The following HELZ variants were observed in gnomAD, a reference collection of about 807,000 sequenced individuals.
The protein encoded by HELZ is helicase with zinc finger.
Under a neutral mutation model 218.2 loss-of-function variants are expected in HELZ, and 23 were observed. That is an observed-to-expected ratio of 0.11 (90% CI 0.08 to 0.15). HELZ has a LOEUF of 0.15. Ranked by LOEUF, HELZ falls within the 10% of genes least tolerant of loss-of-function variation. HELZ has a pLI of 1.00. For synonymous variants in HELZ, 814 were observed against 829.4 expected (o/e 0.98, Z 0.32); for missense variants, 1,813 against 2,353.7 (o/e 0.77, Z 4.75).
intron 17 of HELZ, among the ~76,000 whole-genome samples, chr17:67,158,534 G>A (rs1301245236): frequency 1.3e-5 from 2 of 152,142 alleles, no homozygotes; most frequent in African/African-American, 4.8e-5. Flanking sequence ...GAAAAACTAT[G>A]GCAAAAATGC....
intron 3 of HELZ, among the ~76,000 whole-genome samples, chr17:67,219,970 C>T (rs1020740561): frequency 1.3e-5 from 2 of 152,194 alleles, no homozygotes; most frequent in African/African-American, 4.8e-5. Flanking sequence ...CAATACTGCT[C>T]CAAAGAGTCA....
intron 31 of HELZ, among the ~76,000 whole-genome samples, chr17:67,090,932 T>G (rs1263024304): frequency 1.3e-5 from 2 of 152,132 alleles, no homozygotes; most frequent in African/African-American, 4.8e-5. Context: ...TTTATTTTGC[T>G]CTTCCTTTTC....
chr17:67,129,600 A>G (rs1199174454), intron 23 of HELZ, among the ~76,000 whole-genome samples: 1 of 152,150 alleles, frequency 6.6e-6, no homozygotes. Context: ...TACAAGCACA[A>G]CTTATACCAT....
Position 67,128,815 on chromosome 17 carries a change from T to C in HELZ, c.3223A>G (p.Ser1075Gly), listed in dbSNP as rs774164821. Residue 1075 changes from serine to glycine, a missense_variant, in exon 24 of 33, where the codon AGT becomes GGT. Ser to Gly is a moderately conservative substitution (Grantham distance 56). Coordinates refer to ENST00000358691, the MANE Select transcript of HELZ (RefSeq NM_014877.4). ...ERFIALCHEN[S>G]SLHGITFEQI... is the part of the protein sequence containing the mutation. ...TCAAAAGTGATTCCATGTAGGCTAC[T>C]GTTTTCATGACACAGGGCAATAAAC... 2 of 1,614,172 alleles carry C rather than the reference T, an allele frequency of 1.2e-6. No homozygotes were observed. Among genetic ancestry groups the C allele is most frequent in the Admixed American group, 3.3e-5 (2 of 60,022 alleles).
chr17:67,158,988 A>C (rs1232646271), intron 17 of HELZ, among the ~76,000 whole-genome samples: 20 of 152,146 alleles, frequency 1.3e-4, no homozygotes, highest in Admixed American at 1.2e-3. Flanking sequence ...CACCACGATA[A>C]CTGAGAAGGT....
intron 3 of HELZ, among the ~76,000 whole-genome samples, chr17:67,233,821 C>A (rs1302396171): frequency 3.3e-5 from 5 of 151,938 alleles, no homozygotes; most frequent in African/African-American, 1.2e-4. Context: ...ACAGCCTCAT[C>A]TCTGACTTGA....
At chr17:67,125,091 A>G (rs971894086) in intron 24 of HELZ, among the ~76,000 whole-genome samples, 2 of 151,360 alleles carry the variant, frequency 1.3e-5, no homozygotes, top group Admixed American at 1.3e-4. Flanking sequence ...CTACCTATCT[A>G]ACTGTTGGAA....
chr17:67,113,030 T>C (rs1339693117), intron 28 of HELZ, among the ~76,000 whole-genome samples: 1 of 152,096 alleles, frequency 6.6e-6, no homozygotes, highest in Non-Finnish European at 1.5e-5. Flanking sequence ...ACTATGTGGA[T>C]TAAAGAGCAA....
In HELZ at chr17:67,188,292, A is replaced by G. The variant is rs2039810979; in HGVS notation, c.1162+27T>C. The stretch of plus-strand genomic sequence containing the variant: ...TGAATGTTGCTTTTTAACACATTGT[A>G]TCGGGGGAAAAAAGTCTAAATATTA... On this transcript the variant is annotated intron_variant, in intron 12 of 32. Coordinates refer to ENST00000358691, the MANE Select transcript of HELZ (RefSeq NM_014877.4). The surrounding 1 kb of genome is among the most constrained non-coding windows in gnomAD (Gnocchi z 4.1). 6.3e-7 allele frequency: 1 copy of G among 1,577,688 alleles called. No homozygotes were observed. Among genetic ancestry groups the G allele is most frequent in the East Asian group, 2.2e-5 (1 of 44,530 alleles).
chr17:67,220,476 ATT>A (rs2052692828), intron 3 of HELZ, among the ~76,000 whole-genome samples: 1 of 152,148 alleles, frequency 6.6e-6, no homozygotes, highest in African/African-American at 2.4e-5. Context: ...TCAGTTTGGA[ATT>A]TTTAATTTTA....
chr17:67,209,640 A>C (rs1407151469), intron 5 of HELZ, among the ~76,000 whole-genome samples: 1 of 152,168 alleles, frequency 6.6e-6, no homozygotes, highest in Non-Finnish European at 1.5e-5. Context: ...ATACACAAGT[A>C]GTAGTTGAGG....
chr17:67,243,897 C>A, intron 1 of HELZ, 58 bp from the exon 2 acceptor site: 1 of 639,270 alleles, frequency 1.6e-6, no homozygotes, highest in Non-Finnish European at 1.9e-6. Context: ...TTATCAGTAG[C>A]AAACATTTTA....
chr17:67,244,943 C>G (rs1278322636), intron 1 of HELZ: 2 of 985,834 alleles, frequency 2.0e-6, no homozygotes, highest in African/African-American at 3.5e-5. Context: ...GGGGAAGAAG[C>G]TGTAAACAGC....
chr17:67,236,878 G>A (rs1181478520), intron 3 of HELZ, among the ~76,000 whole-genome samples: 1 of 152,086 alleles, frequency 6.6e-6, no homozygotes, highest in Non-Finnish European at 1.5e-5. Flanking sequence ...CCCTTCTACT[G>A]CTCACTTTGG....
At chr17:67,124,584 G>A (rs1567820401) in intron 24 of HELZ, among the ~76,000 whole-genome samples, 1 of 152,142 alleles carries the variant, frequency 6.6e-6, no homozygotes. Flanking sequence ...CTAGCTAACT[G>A]CTAGACAGCA....
chr17:67,086,635 T>TAAATATAAATATAA (rs367713527), intron 32 of HELZ, among the ~76,000 whole-genome samples, 194 bp downstream of exon 32: 6 of 80,004 alleles, frequency 7.5e-5, no homozygotes, highest in African/African-American at 2.5e-4. Context: ...AATATAAATA[T>TAAATATAAATATAA]ATATATATAT....
At position 67,077,412 on chromosome 17, in the gene HELZ, C is replaced by T. The variant is rs573556319; in HGVS notation, c.*840G>A. The T allele has an allele frequency of 5.9e-5, 9 of 152,048 alleles. No individual in the cohort carries two copies. Among genetic ancestry groups the T allele is most frequent in the African/African-American group, 2.2e-4 (9 of 41,346 alleles). The allele number at this position is 152,048 out of a possible 1,614,324, so 9.4% of individuals were successfully genotyped here. ...GAGAAAAAAAGAATTTTACTAAATT[C>T]ACGCATTTTTAAAATAGTTATCAAG... On this transcript the variant is annotated 3_prime_UTR_variant, in exon 33 of 33. Coordinates refer to ENST00000358691, the MANE Select transcript of HELZ (RefSeq NM_014877.4).
chr17:67,224,834 G>A lies in HELZ; in HGVS notation c.-18-6012C>T, dbSNP rs2040847735. The A allele has an allele frequency of 1.2e-5, 12 of 1,022,676 alleles. No homozygotes were observed. The South Asian group carries it at 1.5e-4, about 13-fold the overall frequency. 63.4% of individuals were successfully genotyped at this position (1,022,676 alleles called of 1,614,324 possible). Reference sequence around the variant, plus strand: ...GGCAAGGATTCTCTGTATGCCCAGGGAAAGCAGCGTTATGACATGAAACAG... The same window carrying A: ...GGCAAGGATTCTCTGTATGCCCAGGAAAAGCAGCGTTATGACATGAAACAG... On this transcript the variant is annotated intron_variant, in intron 3 of 32. Coordinates refer to ENST00000358691, the MANE Select transcript of HELZ (RefSeq NM_014877.4).
chr17:67,196,650 A>G (rs2040039887), intron 7 of HELZ, among the ~76,000 whole-genome samples: 1 of 137,086 alleles, frequency 7.3e-6, no homozygotes, highest in Non-Finnish European at 1.6e-5. Context: ...GGATGGGAAC[A>G]TGGGTAGGTG....
Sources: allele counts gnomAD v4.1 joint callset (sites outside exome capture counted in the v4.1 genomes callset), GRCh38; gene constraint gnomAD v4.1.1; non-coding constraint Gnocchi (gnomAD v3.1); transcripts MANE v1.5; gene names NCBI Gene and HGNC (gene_info 2026-07-23, HGNC 2026-07-21).